The following CELSR1 variants were observed in gnomAD, a reference collection of about 807,000 sequenced individuals.
The protein encoded by CELSR1 is cadherin EGF LAG seven-pass G-type receptor 1.
In CELSR1, 110 loss-of-function variants were observed where a neutral mutation model predicts 249.1. The ratio of observed to expected loss-of-function variants is 0.44; its 90% CI spans 0.38 to 0.52. The LOEUF (loss-of-function observed/expected upper bound fraction) is 0.52. Among genes scored for constraint, CELSR1 ranks in the 20% least tolerant of loss-of-function variants. The probability of loss-of-function intolerance (pLI) is 0.00; values close to 1 mark genes in which losing one functional copy is unlikely to be tolerated. For missense variants in CELSR1, 4,109 were observed against 4,296.4 expected (o/e 0.96, Z 1.22); for synonymous variants, 2,113 against 1,900.0 (o/e 1.11, Z -2.92).
chr22:46,492,836 C>T lies in CELSR1; in HGVS notation c.3545-28491G>A, dbSNP rs559111220. Among the ~76,000 whole-genome samples the T allele has an allele frequency of 4.6e-5, 7 of 152,022 alleles. No homozygotes were observed. In the South Asian group the frequency reaches 6.2e-4, roughly 14 times the overall value. On this transcript the variant is annotated intron_variant, in intron 1 of 34. Coordinates refer to ENST00000674500, the MANE Select transcript of CELSR1 (RefSeq NM_001378328.1). ...TCATGCCACTGCACTCCAGTTTGGGCGACAGTGACTCTCTGTCTCAGAAAA... is the reference window on the plus strand; with the variant it reads ...TCATGCCACTGCACTCCAGTTTGGGTGACAGTGACTCTCTGTCTCAGAAAA...
chr22:46,398,590 G>T lies in CELSR1; in HGVS notation c.5460C>A (p.Ser1820Arg), dbSNP rs369062109. 1 of 1,613,668 alleles carries T rather than the reference G, an allele frequency of 6.2e-7. No individual in the cohort carries two copies. The highest frequency in any genetic ancestry group is 8.5e-7 in the Non-Finnish European group (1 of 1,179,848). Residue 1820 changes from serine (S) to arginine (R), a missense_variant, in exon 11 of 35, where the codon AGC (serine) becomes AGA (arginine). Transcript: ENST00000674500. The surrounding 1 kb of genome is among the most constrained non-coding windows in gnomAD (Gnocchi z 7.2). ...CTTCAGAGGCGCCTCCGACCACCAC[G>T]CTCCTTACCGTCAGCCCGGGAAGCA... ...GGMLPGLTVR[S>R]VVVGGASEDK...
In CELSR1 at chr22:46,363,107, A is replaced by G; in HGVS notation, c.*116T>C. The G allele has an allele frequency of 6.2e-7, 1 of 1,610,084 alleles. No individual in the cohort carries two copies. The highest frequency in any genetic ancestry group is 1.7e-5 in the Admixed American group (1 of 59,986). ...CCACACTCTGGGCCCACTCCACTTC[A>G]AGGGCAGTGGCCCCTTGGGCTCCAA... On this transcript the variant is annotated 3_prime_UTR_variant, in exon 35 of 35. Transcript: ENST00000674500. This position sits in a 1 kb window ranked among gnomAD's most constrained non-coding sequence, Gnocchi z 4.3.
At chr22:46,529,867 T>G (rs902732198) in intron 1 of CELSR1, among the ~76,000 whole-genome samples, 1 of 152,062 alleles carries the variant, frequency 6.6e-6, no homozygotes, top group Non-Finnish European at 1.5e-5. Context: ...AATAATAATT[T>G]AATTGTACAT....
At chr22:46,509,521 T>C (rs2080550755) in intron 1 of CELSR1, among the ~76,000 whole-genome samples, 1 of 19,976 alleles carries the variant, frequency 5.0e-5, no homozygotes, top group Non-Finnish European at 1.3e-4. Flanking sequence ...GTCATCTCAG[T>C]GGGGGAGTCA....
At chr22:46,474,273 C>G (rs1159142002) in intron 1 of CELSR1, among the ~76,000 whole-genome samples, 1 of 152,150 alleles carries the variant, frequency 6.6e-6, no homozygotes, top group Non-Finnish European at 1.5e-5. Context: ...AGGAGGAGCC[C>G]TCCTGACACC....
intron 2 of CELSR1, among the ~76,000 whole-genome samples, chr22:46,443,531 C>A (rs1054734656): frequency 6.6e-6 from 1 of 152,240 alleles, no homozygotes. Context: ...AGATGCTGCA[C>A]CCCGCCGCCC....
chr22:46,414,612 T>G (rs1602102516), intron 5 of CELSR1, among the ~76,000 whole-genome samples: 2 of 146,722 alleles, frequency 1.4e-5, no homozygotes, highest in African/African-American at 5.4e-5. Context: ...TCTCGGCGAG[T>G]GTGGGTTTAA....
At position 46,407,413 on chromosome 22, in the gene CELSR1, T is replaced by C. The variant is rs1215048223; in HGVS notation, c.5226+1583A>G. ...GGGAGGCGGAGGCGAGTGGATCACC[T>C]GAGGTCAGGAGTTCGAGACCAGCCT... On this transcript the variant is annotated intron_variant, in intron 9 of 34. Coordinates refer to ENST00000674500, the MANE Select transcript of CELSR1 (RefSeq NM_001378328.1). This position sits in a 1 kb window ranked among gnomAD's most constrained non-coding sequence, Gnocchi z 4.8. Among the ~76,000 whole-genome samples the C allele has an allele frequency of 1.3e-5, 2 of 152,108 alleles. No homozygotes were observed. The highest frequency in any genetic ancestry group is 2.9e-5 in the Non-Finnish European group (2 of 68,016).
rs2079088004 is a variant in CELSR1, at chr22:46,391,280, G to A, written c.6156C>T (p.Tyr2052=). The A allele has an allele frequency of 1.2e-6, 2 of 1,613,606 alleles. No individual in the cohort carries two copies. The highest frequency in any genetic ancestry group is 1.7e-6 in the Non-Finnish European group (2 of 1,179,922). The stretch of plus-strand genomic sequence containing the variant: ...CCTCAAATGCTTTGGGACAGCCATT[G>A]TAGATCACTGGGGTAGAGAAGAGAG... ...EVTTLGCEVI[Y]NGCPKAFEAG... is the part of the protein sequence containing the mutation. The change falls in exon 16 of 35, where the codon TAC becomes TAT. Residue 2052 remains tyrosine (Y), a synonymous_variant. Transcript: ENST00000674500. The surrounding 1 kb of genome is among the most constrained non-coding windows in gnomAD (Gnocchi z 4.3).
intron 19 of CELSR1, among the ~76,000 whole-genome samples, chr22:46,385,351 C>T (rs1051578911): frequency 4.6e-5 from 7 of 152,078 alleles, no homozygotes; most frequent in East Asian, 1.9e-4. Context: ...CCCATCTCAG[C>T]CTCCCAGTGC....
chr22:46,363,918 A>G lies in CELSR1; in HGVS notation c.9035+78T>C. 1 of 1,448,482 alleles carries G rather than the reference A, an allele frequency of 6.9e-7. No homozygotes were observed. The highest frequency in any genetic ancestry group is 9.1e-7 in the Non-Finnish European group (1 of 1,098,382). The allele number at this position is 1,448,482 out of a possible 1,614,324, so 89.7% of individuals were successfully genotyped here. ...AGGTGAGGTGGGTGTCAGGTCCCTG[A>G]CCACTGCCCCCTCTCTCTCCTGACT... On this transcript the variant is annotated intron_variant, in intron 34 of 34. Transcript: ENST00000674500. This position sits in a 1 kb window ranked among gnomAD's most constrained non-coding sequence, Gnocchi z 4.3.
In CELSR1 at chr22:46,490,025, C is replaced by T. The variant is rs1202817599; in HGVS notation, c.3545-25680G>A. 1.3e-5 allele frequency among the ~76,000 whole-genome samples: 2 copies of T among 152,190 alleles called. No individual in the cohort carries two copies. The highest frequency in any genetic ancestry group is 2.9e-5 in the Non-Finnish European group (2 of 68,032). On this transcript the variant is annotated intron_variant, in intron 1 of 34. Coordinates refer to ENST00000674500, the MANE Select transcript of CELSR1 (RefSeq NM_001378328.1). This position sits in a 1 kb window ranked among gnomAD's most constrained non-coding sequence, Gnocchi z 5.2. ...CCTCCTGGCCATCTCAGCATCCGCC[C>T]CTGCAGTGGGAACACCTAACGTGGC...
In CELSR1 at chr22:46,369,696, A is replaced by T; in HGVS notation, c.7868T>A (p.Ile2623Lys). Residue 2623 changes from isoleucine to lysine, a missense_variant, in exon 26 of 35, where the codon ATA (isoleucine) becomes AAA (lysine). By Grantham distance (102) the Ile-to-Lys change is moderately radical. Coordinates refer to ENST00000674500, the MANE Select transcript of CELSR1 (RefSeq NM_001378328.1). ...WSFAGPIGAV[I>K]IINTVTSVLS... The stretch of plus-strand genomic sequence containing the variant: ...CCGTGAAGGCCCCACACTCACGATT[A>T]TAACAGCTCCGATGGGCCCCGCAAA... The T allele has an allele frequency of 8.7e-6, 14 of 1,613,334 alleles. No homozygotes were observed. The highest frequency in any genetic ancestry group is 1.2e-5 in the Non-Finnish European group (14 of 1,179,816).
At chr22:46,466,645 C>T (rs1030464582) in intron 1 of CELSR1, among the ~76,000 whole-genome samples, 8 of 152,270 alleles carry the variant, frequency 5.3e-5, no homozygotes, top group South Asian at 4.1e-4. Flanking sequence ...GGGTTTGGGA[C>T]GCTTTGTTAC....
chr22:46,367,747 G>A lies in CELSR1; in HGVS notation c.8061C>T (p.Ala2687=). 2.5e-6 allele frequency: 4 copies of A among 1,604,142 alleles called. No homozygotes were observed. Among genetic ancestry groups the A allele is most frequent in the Non-Finnish European group, 3.4e-6 (4 of 1,176,546 alleles). ...CACCTACCTGTAAGCCGCTGAAGAT[G>A]GCGAAGAGGTAGTGAAAGCTCAGTG... ...RDALSFHYLF[A]IFSGLQGPFV... The change falls in exon 28 of 35, where the codon GCC becomes GCT. Residue 2687 remains alanine, a synonymous_variant. Coordinates refer to ENST00000674500, the MANE Select transcript of CELSR1 (RefSeq NM_001378328.1).
intron 18 of CELSR1, among the ~76,000 whole-genome samples, chr22:46,387,753 C>G (rs1450042031): frequency 6.6e-6 from 1 of 152,194 alleles, no homozygotes; most frequent in African/African-American, 2.4e-5. Flanking sequence ...GAGGCTGGGA[C>G]TCTGGCAGAG....
chr22:46,461,857 G>A (rs1039172854), intron 2 of CELSR1, among the ~76,000 whole-genome samples: 6 of 152,244 alleles, frequency 3.9e-5, no homozygotes, highest in Admixed American at 3.9e-4. Context: ...GCACTGGCTC[G>A]GGGAAGGGGC....
At chr22:46,514,546 A>G (rs1228494916) in intron 1 of CELSR1, among the ~76,000 whole-genome samples, 10 of 152,092 alleles carry the variant, frequency 6.6e-5, no homozygotes, top group Admixed American at 2.6e-4. Context: ...GCCTGAGGAC[A>G]CCCCAACAGC....
chr22:46,363,585 G>A lies in CELSR1; in HGVS notation c.9036-338C>T, dbSNP rs1879417178. On this transcript the variant is annotated intron_variant, in intron 34 of 34. Coordinates refer to ENST00000674500, the MANE Select transcript of CELSR1 (RefSeq NM_001378328.1). This position sits in a 1 kb window ranked among gnomAD's most constrained non-coding sequence, Gnocchi z 4.3. The stretch of plus-strand genomic sequence containing the variant: ...TTTGGAGGGAGGGAGGGGCGACAGG[G>A]AGAGGTCTGGGGCCAGGACCCCAGC... The A allele has an allele frequency of 2.7e-6, 1 of 364,590 alleles. No homozygotes were observed. The highest frequency in any genetic ancestry group is 2.0e-5 in the African/African-American group (1 of 48,880). 22.6% of individuals were successfully genotyped at this position (364,590 alleles called of 1,614,324 possible).
Sources: gnomAD v4.1 joint callset for allele counts (sites outside exome capture counted in the v4.1 genomes callset) on GRCh38, gnomAD v4.1.1 for gene constraint, Gnocchi (gnomAD v3.1) non-coding constraint, MANE v1.5 for transcripts, NCBI Gene and HGNC (gene_info 2026-07-23, HGNC 2026-07-21) for gene names.